BEND4: variants seen among roughly 807,000 people sequenced by gnomAD.
The protein encoded by BEND4 is BEN domain-containing protein 4.
A neutral mutation model predicts 54.7 loss-of-function variants in BEND4; 27 were observed. The observed-to-expected ratio is 0.49, with a 90% CI of 0.36 to 0.68. The LOEUF (loss-of-function observed/expected upper bound fraction) is 0.68, where lower values mean the gene tolerates loss of function less well. Ranked by LOEUF, BEND4 falls within the 30% of genes least tolerant of loss-of-function variation. BEND4 has a pLI of 0.00. For missense variants in BEND4, 702 were observed against 697.2 expected, an observed-to-expected ratio of 1.01 and a Z score of -0.08; for synonymous variants, 327 against 299.5, an observed-to-expected ratio of 1.09 and a Z score of -0.95.
intron 4 of BEND4, among the ~76,000 whole-genome samples, chr4:42,123,468 A>G (rs572608864): frequency 5.3e-5 from 8 of 152,138 alleles, no homozygotes; most frequent in Non-Finnish European, 8.8e-5. Context: ...CAAATGGAAG[A>G]CACAGGTGTA....
intron 3 of BEND4, among the ~76,000 whole-genome samples, chr4:42,128,702 C>T (rs1258960651): frequency 6.6e-6 from 1 of 151,804 alleles, no homozygotes; most frequent in Non-Finnish European, 1.5e-5. Flanking sequence ...TATTCAAGGC[C>T]GGGTGCGGTG....
rs1428128716 is a variant in BEND4, at chr4:42,143,696, A to T, written c.786T>A (p.Phe262Leu). 8 of 1,614,026 alleles carry T rather than the reference A, an allele frequency of 5.0e-6. No individual in the cohort carries two copies. The Admixed American group carries it at 1.3e-4, about 27-fold the overall frequency. Reference sequence around the variant, plus strand: ...TGGCTGACGAGGGGTTTGGAGTTGGAAAGCTTCCCGAGAGCAGGTAATTTT... The same window carrying T: ...TGGCTGACGAGGGGTTTGGAGTTGGTAAGCTTCCCGAGAGCAGGTAATTTT... ...SLQNYLLSGS[F>L]PTPNPSSASE... is the part of the protein sequence containing the mutation. Residue 262 changes from phenylalanine to leucine, a missense_variant, in exon 3 of 6, where the codon TTT becomes TTA. By Grantham distance (22) the Phe-to-Leu change is conservative. Coordinates refer to ENST00000502486, the MANE Select transcript of BEND4 (RefSeq NM_207406.4).
rs113485082 is a variant in BEND4 at position 42,145,297 on chromosome 4, A to C, written c.488-1303T>G. On this transcript the variant is annotated intron_variant, in intron 2 of 5. Transcript: ENST00000502486. Reference sequence around the variant, plus strand: ...TACAGGAGAACTCCATGCAGTGCTCAACGTTCCACTGTGTTCTTTTTTCTT... The same window carrying C: ...TACAGGAGAACTCCATGCAGTGCTCCACGTTCCACTGTGTTCTTTTTTCTT... Among the ~76,000 whole-genome samples the C allele has an allele frequency of 8.2e-3, 1,248 of 152,350 alleles. 12 individuals carry two copies. Among genetic ancestry groups the C allele is most frequent in the Non-Finnish European group, 0.014 (969 of 68,032 alleles).
chr4:42,146,997 G>GA (rs1187217007), intron 2 of BEND4, among the ~76,000 whole-genome samples: 2 of 152,106 alleles, frequency 1.3e-5, no homozygotes, highest in African/African-American at 4.8e-5. Context: ...AACATGCTGA[G>GA]AAAAAATCAT....
At chr4:42,132,644 C>A (rs1330700323) in intron 3 of BEND4, among the ~76,000 whole-genome samples, 1 of 151,992 alleles carries the variant, frequency 6.6e-6, no homozygotes, top group East Asian at 1.9e-4. Flanking sequence ...GGGAGTTTTA[C>A]CATGTTGACC....
intron 3 of BEND4, among the ~76,000 whole-genome samples, chr4:42,128,708 C>A (rs1279413111): frequency 6.6e-6 from 1 of 151,876 alleles, no homozygotes; most frequent in South Asian, 2.1e-4. Flanking sequence ...AGGCCGGGTG[C>A]GGTGGCTCAT....
At position 42,147,745 on chromosome 4, in the gene BEND4, G is replaced by A. The variant is rs561032004; in HGVS notation, c.488-3751C>T. 1.9e-3 allele frequency among the ~76,000 whole-genome samples: 296 copies of A among 152,082 alleles called. 1 individual carries two copies. Among genetic ancestry groups the A allele is most frequent in the African/African-American group, 6.7e-3 (277 of 41,494 alleles). On this transcript the variant is annotated intron_variant, in intron 2 of 5. Transcript: ENST00000502486. The stretch of plus-strand genomic sequence containing the variant: ...GTCCGATTCCAAAATCTGAACCCAT[G>A]ATTATTTTTTTAATTAAAAAATTCA...
Position 42,120,291 on chromosome 4 carries a change from T to G in BEND4, c.1150A>C (p.Ser384Arg). ...PQPADQPTEG[S>R]KQLLNNYPVY... ...GGATAGTTGTTCAACAGCTGCTTGC[T>G]TCCCTGGAAAAGCGAAATATTTTCT... Residue 384 changes from serine to arginine, a missense_variant, in exon 5 of 6, where the codon AGC (serine) becomes CGC (arginine). Physicochemically the swap from Ser to Arg is moderately radical, Grantham distance 110 (BLOSUM62 -1). Coordinates refer to ENST00000502486, the MANE Select transcript of BEND4 (RefSeq NM_207406.4). The G allele has an allele frequency of 6.3e-7, 1 of 1,592,668 alleles. No homozygotes were observed. The highest frequency in any genetic ancestry group is 8.6e-7 in the Non-Finnish European group (1 of 1,162,168).
chr4:42,143,344 C>A (rs1310682455), intron 3 of BEND4, 84 bp downstream of exon 3: 76 of 1,218,116 alleles, frequency 6.2e-5, no homozygotes, highest in Non-Finnish European at 1.2e-6. Flanking sequence ...CATACACATA[C>A]ATGAGTACAG....
rs910836243 is a variant in BEND4 at position 42,122,514 on chromosome 4, T to C, written c.1147-2220A>G. The stretch of plus-strand genomic sequence containing the variant: ...CTGGCACACAGCAGACACCCAGTAA[T>C]GGTGGCTACAATGAAGAATTCTTAC... On this transcript the variant is annotated intron_variant, in intron 4 of 5. Transcript: ENST00000502486. 2.0e-5 allele frequency among the ~76,000 whole-genome samples: 3 copies of C among 152,298 alleles called. No individual in the cohort carries two copies. In the East Asian group the frequency reaches 5.8e-4, roughly 29 times the overall value.
At chr4:42,120,647 T>C (rs1036094436) in intron 4 of BEND4, among the ~76,000 whole-genome samples, 2 of 152,172 alleles carry the variant, frequency 1.3e-5, no homozygotes, top group African/African-American at 4.8e-5. Flanking sequence ...ATGCAAAACT[T>C]TGAAGAGTGT....
At chr4:42,144,104 CT>C (rs1720994348) in intron 2 of BEND4, 110 bp from the exon 3 acceptor site, 2 of 810,630 alleles carry the variant, frequency 2.5e-6, no homozygotes, top group East Asian at 2.7e-5. Context: ...TGTATTTCTA[CT>C]GTCTGTCATA....
At chr4:42,128,377 A>C (rs1366450524) in intron 3 of BEND4, among the ~76,000 whole-genome samples, 1 of 152,148 alleles carries the variant, frequency 6.6e-6, no homozygotes, top group African/African-American at 2.4e-5. Context: ...TTATCCCAGC[A>C]CTCTGGGAGC....
chr4:42,121,348 G>A (rs549633795), intron 4 of BEND4, among the ~76,000 whole-genome samples: 4 of 152,292 alleles, frequency 2.6e-5, no homozygotes, highest in Admixed American at 6.5e-5. Flanking sequence ...AGTTCTGCGC[G>A]TGGAGACTCA....
intron 3 of BEND4, among the ~76,000 whole-genome samples, chr4:42,127,467 C>T (rs1462497977): frequency 6.6e-6 from 1 of 152,148 alleles, no homozygotes; most frequent in Non-Finnish European, 1.5e-5. Flanking sequence ...TCTTAAAAGT[C>T]CAACCCTTTT....
chr4:42,131,712 A>T (rs1429904218), intron 3 of BEND4, among the ~76,000 whole-genome samples: 1 of 152,166 alleles, frequency 6.6e-6, no homozygotes, highest in Non-Finnish European at 1.5e-5. Context: ...ATTTAAGGCA[A>T]ATGGGTCCTG....
Position 42,132,169 on chromosome 4 carries a change from G to A in BEND4, c.1055-6495C>T, listed in dbSNP as rs577389694. On this transcript the variant is annotated intron_variant, in intron 3 of 5. Transcript: ENST00000502486. ...ATTGTGGAAAACCTCCTGTCCTCGT[G>A]TCCCTCGGTTCTGTTAACCTAAGGT... Among the ~76,000 whole-genome samples, 4 of 152,368 alleles carry A rather than the reference G, an allele frequency of 2.6e-5. No individual in the cohort carries two copies. In the East Asian group the frequency reaches 7.7e-4, roughly 29 times the overall value.
At chr4:42,119,326 G>C (rs966421577) in intron 5 of BEND4, among the ~76,000 whole-genome samples, 1 of 152,056 alleles carries the variant, frequency 6.6e-6, no homozygotes, top group Non-Finnish European at 1.5e-5. Context: ...TTAATATTGA[G>C]CTTTTTGATA....
At chr4:42,133,471 T>G (rs1720579659) in intron 3 of BEND4, among the ~76,000 whole-genome samples, 1 of 152,234 alleles carries the variant, frequency 6.6e-6, no homozygotes, top group Non-Finnish European at 1.5e-5. Context: ...ATACTATTAT[T>G]TTTCAGTGTA....
Sources: gnomAD v4.1 joint callset for allele counts (sites outside exome capture counted in the v4.1 genomes callset) on GRCh38, gnomAD v4.1.1 for gene constraint, MANE v1.5 for transcripts, NCBI Gene and HGNC (gene_info 2026-07-23, HGNC 2026-07-21) for gene names.